ARMC2: variants seen among roughly 807,000 people sequenced by gnomAD.
ARMC2 encodes armadillo repeat containing 2, also known as armadillo repeat-containing protein 2.
Under a neutral mutation model 90.3 loss-of-function variants are expected in ARMC2, and 67 were observed. That is an observed-to-expected ratio of 0.74 (90% CI 0.61 to 0.91). The LOEUF (loss-of-function observed/expected upper bound fraction) is 0.91. ARMC2 is among the 40% of genes least tolerant of loss of function. The pLI is 0.00. For missense variants in ARMC2, 920 were observed against 1,030.9 expected, an observed-to-expected ratio of 0.89 and a Z score of 1.47; for synonymous variants, 393 against 393.0, an observed-to-expected ratio of 1.00 and a Z score of 0.00.
intron 12 of ARMC2, among the ~76,000 whole-genome samples, chr6:108,952,012 C>T (rs1275799291): frequency 6.6e-6 from 1 of 152,214 alleles, no homozygotes; most frequent in Non-Finnish European, 1.5e-5. Context: ...TTACCCTTCA[C>T]CAGCCATGTG....
chr6:109,046,779 C>A, the ARMC2 span, among the ~76,000 whole-genome samples: 24 of 135,036 alleles, frequency 1.8e-4, no homozygotes, highest in Middle Eastern at 4.3e-3. Context: ...GCCGAGACCC[C>A]GTCTGGGAGG....
intron 2 of ARMC2, among the ~76,000 whole-genome samples, chr6:108,857,768 G>A (rs1162412590): frequency 7.3e-6 from 1 of 137,068 alleles, no homozygotes; most frequent in Admixed American, 7.6e-5. Context: ...TGTATTTTAT[G>A]TATCTTCTTT....
chr6:108,861,683 G>A (rs369926295), intron 3 of ARMC2, among the ~76,000 whole-genome samples: 45 of 152,252 alleles, frequency 3.0e-4, no homozygotes, highest in African/African-American at 9.6e-4. Flanking sequence ...GCTTGTTAAC[G>A]TCTACAACCT....
Position 108,907,930 on chromosome 6 carries a change from G to A in ARMC2, c.1024-2969G>A, listed in dbSNP as rs898401195. ...TTTTCTTAAGCCCGCTTATTTTCTG[G>A]GGGTTTTAAACAATATTATTTTAAA... On this transcript the variant is annotated intron_variant, in intron 8 of 17. Transcript: ENST00000392644. 7 of 1,467,974 alleles carry A rather than the reference G, an allele frequency of 4.8e-6. No individual in the cohort carries two copies. In the South Asian group the frequency reaches 6.0e-5, roughly 13 times the overall value. The allele number at this position is 1,467,974 out of a possible 1,614,324, so 90.9% of individuals were successfully genotyped here.
At chr6:109,046,820 T>C in the ARMC2 span, among the ~76,000 whole-genome samples, 1 of 135,222 alleles carries the variant, frequency 7.4e-6, no homozygotes, top group African/African-American at 2.7e-5. Flanking sequence ...CCGCCCTGTC[T>C]GAGAAGTGAG....
intron 7 of ARMC2, among the ~76,000 whole-genome samples, chr6:108,902,985 T>C (rs947271671): frequency 1.3e-5 from 2 of 151,924 alleles, no homozygotes; most frequent in African/African-American, 4.8e-5. Flanking sequence ...CTGGGCAAAA[T>C]GGCAAAACCC....
chr6:108,961,622 A>T lies in ARMC2; in HGVS notation c.1966A>T (p.Thr656Ser), dbSNP rs755641386. Residue 656 changes from threonine to serine, a missense_variant, in exon 14 of 18, where the codon ACA (threonine) becomes TCA (serine). By Grantham distance (58) the Thr-to-Ser change is moderately conservative. Coordinates refer to ENST00000392644, the MANE Select transcript of ARMC2 (RefSeq NM_032131.6). Reference sequence around the variant, plus strand: ...GGAGCTGGTGATCAATGCTACAGCGACAATCAACAATTTATCTTACTACCA... The same window carrying T: ...GGAGCTGGTGATCAATGCTACAGCGTCAATCAACAATTTATCTTACTACCA... ...CEELVINATATINNLSYYQVK... is the reference protein window; with the variant it reads ...CEELVINATASINNLSYYQVK... 1.2e-6 allele frequency: 2 copies of T among 1,612,516 alleles called. No homozygotes were observed. The highest frequency in any genetic ancestry group is 8.5e-7 in the Non-Finnish European group (1 of 1,179,364).
chr6:108,956,463 A>G (rs960471894), intron 13 of ARMC2, among the ~76,000 whole-genome samples: 5 of 151,784 alleles, frequency 3.3e-5, no homozygotes, highest in Non-Finnish European at 7.4e-5. Flanking sequence ...TTGGGAAGCC[A>G]AGGCAGGCAG....
chr6:109,051,328 T>A, the ARMC2 span, among the ~76,000 whole-genome samples: 9 of 125,866 alleles, frequency 7.2e-5, no homozygotes, highest in South Asian at 2.8e-3. Flanking sequence ...TGAAACTGAG[T>A]CAGACAATAA....
chr6:108,852,395 A>T (rs1279481955), intron 1 of ARMC2, among the ~76,000 whole-genome samples: 2 of 152,212 alleles, frequency 1.3e-5, no homozygotes, highest in African/African-American at 4.8e-5. Flanking sequence ...GATAGAGAAA[A>T]TTGTGTTAGA....
chr6:108,859,986 A>G (rs1357315536), intron 3 of ARMC2, among the ~76,000 whole-genome samples: 1 of 149,770 alleles, frequency 6.7e-6, no homozygotes, highest in Non-Finnish European at 1.5e-5. Flanking sequence ...CCTGGGCGAC[A>G]AGAGTGAAAC....
At chr6:108,998,340 A>T in the ARMC2 span, 1 of 639,428 alleles carries the variant, frequency 1.6e-6, no homozygotes, top group Non-Finnish European at 2.6e-6. Flanking sequence ...CACCTAGACT[A>T]GTGATGAGCA....
chr6:108,874,864 C>A (rs1776785561), intron 4 of ARMC2, among the ~76,000 whole-genome samples: 3 of 151,298 alleles, frequency 2.0e-5, no homozygotes, highest in Non-Finnish European at 4.4e-5. Context: ...CCTAGAATCT[C>A]TAAGGTTCCT....
chr6:108,850,160 T>C (rs1773858162), intron 1 of ARMC2, among the ~76,000 whole-genome samples: 1 of 152,168 alleles, frequency 6.6e-6, no homozygotes, highest in African/African-American at 2.4e-5. Context: ...CCCAGACCAG[T>C]AGGAAATATC....
At chr6:108,992,055 T>A in the ARMC2 span, among the ~76,000 whole-genome samples, 3 of 152,220 alleles carry the variant, frequency 2.0e-5, no homozygotes, top group Admixed American at 1.3e-4. Flanking sequence ...ATCTATTGCA[T>A]AATTATTCTA....
At chr6:108,871,127 C>A (rs184935298) in intron 4 of ARMC2, among the ~76,000 whole-genome samples, 92 of 152,232 alleles carry the variant, frequency 6.0e-4, no homozygotes, top group Non-Finnish European at 1.1e-3. Flanking sequence ...TGACCGGGCA[C>A]GAGAGCAAGT....
chr6:109,049,743 TTA>T, the ARMC2 span, among the ~76,000 whole-genome samples: 1 of 150,308 alleles, frequency 6.7e-6, no homozygotes, highest in Non-Finnish European at 1.5e-5. Flanking sequence ...ATAATATATA[TTA>T]TGTTGAAATC....
intron 13 of ARMC2, among the ~76,000 whole-genome samples, chr6:108,957,368 G>T (rs537122291): frequency 6.6e-6 from 1 of 152,154 alleles, no homozygotes; most frequent in African/African-American, 2.4e-5. Context: ...TGTCTGTGTC[G>T]GTGTGGAGTG....
rs1175352540 is a variant in ARMC2, at chr6:108,953,191, CCAA to C, written c.1757_1759del (p.Gln586del). The stretch of plus-strand genomic sequence containing the variant: ...ATCTGCATTCCCAGAAGCCGGTGGG[CCAA>C]CGAGGCGAGCAGCACAGGGCGCAGA... On this transcript the variant is annotated inframe_deletion, in exon 13 of 18. Transcript: ENST00000392644. 1 of 1,614,030 alleles carries C rather than the reference CCAA, an allele frequency of 6.2e-7. No individual in the cohort carries two copies. Among genetic ancestry groups the C allele is most frequent in the Non-Finnish European group, 8.5e-7 (1 of 1,179,912 alleles).
Sources: allele counts gnomAD v4.1 joint callset (sites outside exome capture counted in the v4.1 genomes callset), GRCh38; gene constraint gnomAD v4.1.1; transcripts MANE v1.5; gene names NCBI Gene and HGNC (gene_info 2026-07-23, HGNC 2026-07-21).